Variants in TBX15 observed in about 807,000 individuals in gnomAD.
TBX15 encodes the protein T-box transcription factor TBX15.
A neutral mutation model predicts 53.9 loss-of-function variants in TBX15; 18 were observed. That is an observed-to-expected ratio of 0.33 (90% CI 0.23 to 0.49). TBX15 has a LOEUF of 0.49. TBX15 is among the 20% of genes least tolerant of loss of function. The probability of loss-of-function intolerance (pLI) is 0.98; values close to 1 mark genes in which losing one functional copy is unlikely to be tolerated. For synonymous variants in TBX15, 295 were observed against 278.0 expected (o/e 1.06, Z -0.61); for missense variants, 692 against 749.5 (o/e 0.92, Z 0.90).
chr1:118,917,352 A>G (rs1251356649), intron 5 of TBX15, among the ~76,000 whole-genome samples: 1 of 152,190 alleles, frequency 6.6e-6, no homozygotes, highest in Non-Finnish European at 1.5e-5. Context: ...CTCTCTTATA[A>G]GTGGGAGCTG....
intron 1 of TBX15, among the ~76,000 whole-genome samples, chr1:118,956,569 T>C (rs550972758): frequency 6.6e-6 from 1 of 152,212 alleles, no homozygotes; most frequent in Non-Finnish European, 1.5e-5. Context: ...AGTTCAAGAA[T>C]GTTTAATCAT....
intron 1 of TBX15, among the ~76,000 whole-genome samples, chr1:118,956,103 G>T (rs1272666166): frequency 6.6e-6 from 1 of 152,104 alleles, no homozygotes; most frequent in Non-Finnish European, 1.5e-5. Context: ...CAGGAAGCAG[G>T]CCCTCACCAG....
chr1:118,932,070 T>C (rs1655811489), intron 1 of TBX15, among the ~76,000 whole-genome samples: 1 of 152,166 alleles, frequency 6.6e-6, no homozygotes, highest in African/African-American at 2.4e-5. Flanking sequence ...TCTGGCATTT[T>C]AGTAAGTTTT....
intron 1 of TBX15, among the ~76,000 whole-genome samples, chr1:118,956,859 A>C (rs1341889620): frequency 6.6e-6 from 1 of 151,838 alleles, no homozygotes; most frequent in Non-Finnish European, 1.5e-5. Flanking sequence ...GCTACTCAGG[A>C]GGCTGATGCA....
intron 5 of TBX15, among the ~76,000 whole-genome samples, chr1:118,918,099 ATAT>A (rs2101575463): frequency 6.6e-6 from 1 of 152,308 alleles, no homozygotes; most frequent in South Asian, 2.1e-4. Flanking sequence ...TCAGTCAAAA[ATAT>A]TATCTCCTGA....
chr1:118,960,082 A>C (rs1656816933), intron 1 of TBX15, among the ~76,000 whole-genome samples: 1 of 151,054 alleles, frequency 6.6e-6, no homozygotes, highest in Non-Finnish European at 1.5e-5. Flanking sequence ...AAAAAAAAAA[A>C]GAAGAGAAAA....
At chr1:118,908,245 T>C (rs1195702508) in intron 6 of TBX15, among the ~76,000 whole-genome samples, 2 of 152,124 alleles carry the variant, frequency 1.3e-5, no homozygotes, top group African/African-American at 4.8e-5. Context: ...TGAAAAATTA[T>C]TGTTTTATTC....
intron 5 of TBX15, among the ~76,000 whole-genome samples, chr1:118,920,261 G>A (rs1655380548): frequency 6.6e-6 from 1 of 152,188 alleles, no homozygotes; most frequent in Non-Finnish European, 1.5e-5. Flanking sequence ...GAGGTCACGA[G>A]AGAGTGCAGT....
chr1:118,921,050 G>A (rs1369511985), intron 5 of TBX15, among the ~76,000 whole-genome samples: 4 of 112,186 alleles, frequency 3.6e-5, no homozygotes, highest in Non-Finnish European at 7.9e-5. Flanking sequence ...GGTGATACCC[G>A]CCTGTGGTCC....
chr1:118,958,790 G>A (rs930311501), intron 1 of TBX15, among the ~76,000 whole-genome samples: 3 of 151,914 alleles, frequency 2.0e-5, no homozygotes, highest in South Asian at 2.1e-4. Context: ...AACTCTACCC[G>A]GCCACTACCT....
intron 7 of TBX15, among the ~76,000 whole-genome samples, chr1:118,892,929 ATC>A (rs1654197479): frequency 6.6e-6 from 1 of 152,080 alleles, no homozygotes; most frequent in Non-Finnish European, 1.5e-5. Flanking sequence ...CTATGTTGTT[ATC>A]TTCACTTAAG....
intron 1 of TBX15, among the ~76,000 whole-genome samples, chr1:118,958,502 T>C (rs1238820123): frequency 1.3e-5 from 2 of 152,224 alleles, no homozygotes; most frequent in Non-Finnish European, 2.9e-5. Context: ...TGATGTTTAG[T>C]TCAACATAGA....
chr1:118,939,754 G>T (rs1051369809), intron 1 of TBX15, among the ~76,000 whole-genome samples: 13 of 151,752 alleles, frequency 8.6e-5, no homozygotes, highest in Admixed American at 3.9e-4. Flanking sequence ...AAAAAACTTT[G>T]CTTTAGCCTA....
At chr1:118,961,678 T>C (rs1309942125) in intron 1 of TBX15, among the ~76,000 whole-genome samples, 1 of 152,180 alleles carries the variant, frequency 6.6e-6, no homozygotes, top group Non-Finnish European at 1.5e-5. Flanking sequence ...ATTTCCTATC[T>C]AGTACTAGCA....
At chr1:118,956,156 C>G (rs1019232266) in intron 1 of TBX15, among the ~76,000 whole-genome samples, 1 of 152,156 alleles carries the variant, frequency 6.6e-6, no homozygotes, top group Non-Finnish European at 1.5e-5. Flanking sequence ...CTTGGACTTC[C>G]CAGCCTTCAG....
At chr1:118,942,567 C>T (rs936143698) in intron 1 of TBX15, among the ~76,000 whole-genome samples, 2 of 152,086 alleles carry the variant, frequency 1.3e-5, no homozygotes, top group African/African-American at 4.8e-5. Flanking sequence ...CTATTAAGTC[C>T]TAGGGTCACC....
intron 1 of TBX15, among the ~76,000 whole-genome samples, chr1:118,955,907 C>T (rs187888560): frequency 2.6e-5 from 4 of 152,178 alleles, no homozygotes; most frequent in Non-Finnish European, 4.4e-5. Context: ...CAGAGTTTAT[C>T]CTAGGTCTTC....
At chr1:118,926,326 G>T (rs182775159) in intron 3 of TBX15, among the ~76,000 whole-genome samples, 184 bp downstream of exon 3, 1 of 152,300 alleles carries the variant, frequency 6.6e-6, no homozygotes, top group East Asian at 1.9e-4. Context: ...GAGACACAGG[G>T]GGGAATCCCA....
chr1:118,955,679 GA>G (rs762107438), intron 1 of TBX15, among the ~76,000 whole-genome samples: 4 of 152,070 alleles, frequency 2.6e-5, no homozygotes, highest in Non-Finnish European at 5.9e-5. Context: ...ATTAGAAAGT[GA>G]AAAAAGGCAG....
Sources: allele counts gnomAD v4.1 joint callset (sites outside exome capture counted in the v4.1 genomes callset), GRCh38; gene constraint gnomAD v4.1.1; transcripts MANE v1.5; gene names NCBI Gene and HGNC (gene_info 2026-07-23, HGNC 2026-07-21).